The following ELSPBP1 variants were observed in gnomAD, a reference collection of about 807,000 sequenced individuals.
ELSPBP1 encodes the protein epididymal sperm-binding protein 1.
In ELSPBP1, 38 loss-of-function variants were observed where a neutral mutation model predicts 33.3. The observed-to-expected ratio is 1.14, with a 90% confidence interval of 0.88 to 1.50. The LOEUF is 1.50. ELSPBP1 is among the 40% of genes most tolerant of loss of function. The probability of loss-of-function intolerance (pLI) is 0.00; values close to 1 mark genes in which losing one functional copy is unlikely to be tolerated. For missense variants in ELSPBP1, 267 were observed against 263.5 expected (o/e 1.01, Z -0.09); for synonymous variants, 85 against 94.1 (o/e 0.90, Z 0.56).
At chr19:48,002,151 C>T (rs1186255185) in intron 1 of ELSPBP1, among the ~76,000 whole-genome samples, 2 of 152,154 alleles carry the variant, frequency 1.3e-5, no homozygotes, top group African/African-American at 4.8e-5. Flanking sequence ...CCATCCCTTC[C>T]ACTGTGCGGA....
chr19:48,022,887 CAA>C (rs10695720), intron 6 of ELSPBP1, among the ~76,000 whole-genome samples: 16 of 140,682 alleles, frequency 1.1e-4, no homozygotes, highest in African/African-American at 4.2e-4. Context: ...CCTGTCTCTA[CAA>C]AAAAAAAAAA....
intron 5 of ELSPBP1, among the ~76,000 whole-genome samples, chr19:48,021,742 G>A (rs1320648088): frequency 6.6e-6 from 1 of 152,028 alleles, no homozygotes; most frequent in Admixed American, 6.6e-5. Flanking sequence ...GAGCCACAAA[G>A]CGCAGCCACA....
At chr19:48,023,975 A>G (rs182679831) in intron 6 of ELSPBP1, among the ~76,000 whole-genome samples, 2 of 150,784 alleles carry the variant, frequency 1.3e-5, no homozygotes, top group Non-Finnish European at 2.9e-5. Context: ...GGTTCAAGAA[A>G]TTCTCCCACC....
chr19:48,015,812 A>T (rs1967125160), intron 3 of ELSPBP1, 81 bp from the exon 4 acceptor site: 2 of 1,355,138 alleles, frequency 1.5e-6, no homozygotes, highest in Non-Finnish European at 2.1e-6. Flanking sequence ...CTGTCCTATG[A>T]TGGTTGATTG....
At chr19:47,996,344 T>C (rs995633938) in intron 1 of ELSPBP1, among the ~76,000 whole-genome samples, 38 of 152,200 alleles carry the variant, frequency 2.5e-4, no homozygotes, top group Non-Finnish European at 1.5e-4. Context: ...CAGTTTCTTA[T>C]GGATGGTGGG....
Position 48,014,687 on chromosome 19 carries a change from A to T in ELSPBP1, c.208+379A>T, listed in dbSNP as rs544346032. 7.1e-4 allele frequency among the ~76,000 whole-genome samples: 106 copies of T among 150,142 alleles called. 3 individuals are homozygous for T. In the South Asian group the frequency reaches 0.019, roughly 27 times the overall value. Reference sequence around the variant, plus strand: ...TTAAATTATAATAATAATAAAATTTAAAAAAATCAGTGATAATGTAATGGG... The same window carrying T: ...TTAAATTATAATAATAATAAAATTTTAAAAAATCAGTGATAATGTAATGGG... On this transcript the variant is annotated intron_variant, in intron 3 of 6. Coordinates refer to ENST00000339841, the MANE Select transcript of ELSPBP1 (RefSeq NM_022142.5).
At chr19:48,004,933 T>C (rs2081549528) in intron 1 of ELSPBP1, among the ~76,000 whole-genome samples, 13 of 152,230 alleles carry the variant, frequency 8.5e-5, no homozygotes, top group Admixed American at 8.5e-4. Flanking sequence ...GCACAGTGGC[T>C]CTTGCCTGTA....
chr19:48,022,166 C>T lies in ELSPBP1; in HGVS notation c.515-4C>T. On this transcript the variant is annotated splice_region_variant and splice_polypyrimidine_tract_variant and intron_variant, in intron 5 of 6. Transcript: ENST00000339841. ...CCTTTGTTTTATCCCCTTCTGCTTC[C>T]TAGGAATTTCCGCGTTGGTCCCTGG... 3 of 1,609,962 alleles carry T rather than the reference C, an allele frequency of 1.9e-6. No homozygotes were observed. The highest frequency in any genetic ancestry group is 2.2e-5 in the South Asian group (2 of 89,986).
intron 1 of ELSPBP1, among the ~76,000 whole-genome samples, chr19:47,998,537 A>C (rs1431023263): frequency 2.0e-5 from 3 of 152,222 alleles, no homozygotes; most frequent in Non-Finnish European, 2.9e-5. Context: ...CTGTAATCCC[A>C]GCACTTTGGG....
intron 3 of ELSPBP1, 75 bp downstream of exon 3, chr19:48,014,383 A>G (rs539750921): frequency 6.6e-7 from 1 of 1,515,870 alleles, no homozygotes; most frequent in Admixed American, 1.9e-5. Context: ...GTGACTGTCT[A>G]TGACATGATC....
At chr19:48,016,762 C>A (rs985095441) in intron 4 of ELSPBP1, among the ~76,000 whole-genome samples, 4 of 151,780 alleles carry the variant, frequency 2.6e-5, no homozygotes, top group African/African-American at 9.7e-5. Context: ...CCACACCCAG[C>A]TAATTTTTGT....
rs375645287 is a variant in ELSPBP1, at chr19:48,019,800, A to T, written c.437A>T (p.Asp146Val). Reference protein sequence around the residue: ...RNNVVSDCMEDESNKLWCPTT... With the variant: ...RNNVVSDCMEVESNKLWCPTT... ...AATGTGGTCTCTGATTGCATGGAGG[A>T]TGAAAGCAACAAGCTCTGGTGCCCA... The change falls in exon 5 of 7, where the codon GAT becomes GTT. Residue 146 changes from aspartate to valine, a missense_variant. By Grantham distance (152) the Asp-to-Val change is radical. Transcript: ENST00000339841. 1.2e-6 allele frequency: 2 copies of T among 1,613,312 alleles called. No individual in the cohort carries two copies. The highest frequency in any genetic ancestry group is 1.3e-5 in the African/African-American group (1 of 74,844).
intron 1 of ELSPBP1, among the ~76,000 whole-genome samples, chr19:47,998,073 T>C (rs1966928008): frequency 6.6e-6 from 1 of 152,132 alleles, no homozygotes; most frequent in African/African-American, 2.4e-5. Flanking sequence ...CATCTTTTCG[T>C]TCCTCTGCAC....
intron 1 of ELSPBP1, among the ~76,000 whole-genome samples, chr19:48,002,677 A>C (rs1366251922): frequency 6.6e-6 from 1 of 152,186 alleles, no homozygotes; most frequent in Admixed American, 6.5e-5. Flanking sequence ...CTGTAATCCC[A>C]GTGACTCAGG....
At chr19:48,007,456 T>C (rs1245791207) in intron 1 of ELSPBP1, among the ~76,000 whole-genome samples, 1 of 152,116 alleles carries the variant, frequency 6.6e-6, no homozygotes, top group Non-Finnish European at 1.5e-5. Flanking sequence ...GCTTAGGACA[T>C]CCGGTATACA....
At chr19:47,998,392 C>G (rs1041118155) in intron 1 of ELSPBP1, among the ~76,000 whole-genome samples, 1 of 151,636 alleles carries the variant, frequency 6.6e-6, no homozygotes, top group Non-Finnish European at 1.5e-5. Context: ...GCCTGAGTGA[C>G]AGAGTGAGAC....
Position 48,011,532 on chromosome 19 carries a change from G to T in ELSPBP1, c.71-2639G>T, listed in dbSNP as rs984505343. On this transcript the variant is annotated intron_variant, in intron 2 of 6. Coordinates refer to ENST00000339841, the MANE Select transcript of ELSPBP1 (RefSeq NM_022142.5). This position sits in a 1 kb window ranked among gnomAD's most constrained non-coding sequence, Gnocchi z 4.5. ...GATGACAATGATGATGACAATGACT[G>T]ATAATGATGACAATGATGATGATGA... 4.0e-5 allele frequency among the ~76,000 whole-genome samples: 6 copies of T among 151,508 alleles called. No homozygotes were observed. The highest frequency in any genetic ancestry group is 1.5e-4 in the African/African-American group (6 of 41,256).
chr19:48,002,858 A>G (rs1459037364), intron 1 of ELSPBP1, among the ~76,000 whole-genome samples: 1 of 152,158 alleles, frequency 6.6e-6, no homozygotes, highest in Non-Finnish European at 1.5e-5. Context: ...TCTGGCTTGT[A>G]TGCCCCCTCT....
rs144869853 is a variant in ELSPBP1 at position 48,021,973 on chromosome 19, C to T, written c.515-197C>T. Reference sequence around the variant, plus strand: ...TGTTGCCCAGGCTGGTATTGAACTCCTGGCTTCACATGATCCTCCTGGCTC... The same window carrying T: ...TGTTGCCCAGGCTGGTATTGAACTCTTGGCTTCACATGATCCTCCTGGCTC... On this transcript the variant is annotated intron_variant, in intron 5 of 6. Coordinates refer to ENST00000339841, the MANE Select transcript of ELSPBP1 (RefSeq NM_022142.5). 3.3e-5 allele frequency among the ~76,000 whole-genome samples: 5 copies of T among 152,254 alleles called. No individual in the cohort carries two copies. In the East Asian group the frequency reaches 9.7e-4, roughly 29 times the overall value.
Sources: allele counts gnomAD v4.1 joint callset (sites outside exome capture counted in the v4.1 genomes callset), GRCh38; gene constraint gnomAD v4.1.1; non-coding constraint Gnocchi (gnomAD v3.1); transcripts MANE v1.5; gene names NCBI Gene and HGNC (gene_info 2026-07-23, HGNC 2026-07-21).